Variants in SEMA3A observed in about 807,000 individuals in gnomAD.
SEMA3A encodes the protein semaphorin 3A, also known as semaphorin-3A.
SEMA3A carries 29 observed loss-of-function variants against 97.9 expected under a neutral mutation model. The observed-to-expected ratio is 0.30, with a 90% CI of 0.22 to 0.40. The LOEUF is 0.40. Among genes scored for constraint, SEMA3A ranks in the 10% least tolerant of loss-of-function variants. The probability of loss-of-function intolerance (pLI) is 1.00; values close to 1 mark genes in which losing one functional copy is unlikely to be tolerated. For missense variants in SEMA3A, 763 were observed against 951.3 expected (o/e 0.80, Z 2.60); for synonymous variants, 321 against 323.7 (o/e 0.99, Z 0.09).
intron 1 of SEMA3A, among the ~76,000 whole-genome samples, chr7:84,400,704 G>C (rs1470116136): frequency 6.6e-6 from 1 of 152,186 alleles, no homozygotes; most frequent in Non-Finnish European, 1.5e-5. Context: ...AATAGGGGTA[G>C]AAAGTTTATT....
At chr7:84,238,324 C>T (rs561124702) in intron 3 of SEMA3A, among the ~76,000 whole-genome samples, 6 of 152,248 alleles carry the variant, frequency 3.9e-5, no homozygotes, top group African/African-American at 1.4e-4. Flanking sequence ...GCCTCAGCCT[C>T]CCAAAGTGCT....
chr7:84,065,368 G>C (rs1290324252), intron 4 of SEMA3A, among the ~76,000 whole-genome samples: 1 of 141,856 alleles, frequency 7.0e-6, no homozygotes, highest in East Asian at 2.0e-4. Flanking sequence ...AACTAGAAAA[G>C]CAAGAGCAAA....
At position 83,968,502 on chromosome 7, in the gene SEMA3A, T is replaced by C. The variant is rs191565404; in HGVS notation, c.1718-5155A>G. On this transcript the variant is annotated intron_variant, in intron 15 of 16. Transcript: ENST00000265362. ...GAGATTCTCGTGAACAACAGATTCT[T>C]TTATTTTGAAATGGACTTTGTGATC... Among the ~76,000 whole-genome samples, 3 of 152,288 alleles carry C rather than the reference T, an allele frequency of 2.0e-5. No homozygotes were observed. The East Asian group carries it at 5.8e-4, about 29-fold the overall frequency.
At chr7:84,341,791 T>C (rs148013178) in intron 2 of SEMA3A, among the ~76,000 whole-genome samples, 44 of 152,262 alleles carry the variant, frequency 2.9e-4, no homozygotes, top group African/African-American at 9.6e-4. Flanking sequence ...CCGGTCGTGT[T>C]AGCTACATAC....
At chr7:84,260,994 A>G (rs987912730) in intron 3 of SEMA3A, among the ~76,000 whole-genome samples, 5 of 152,038 alleles carry the variant, frequency 3.3e-5, no homozygotes, top group Non-Finnish European at 7.4e-5. Flanking sequence ...TGGACTAATC[A>G]ACATGCATTT....
At chr7:84,143,117 ATCT>A (rs944232708) in intron 1 of SEMA3A, among the ~76,000 whole-genome samples, 18 of 152,174 alleles carry the variant, frequency 1.2e-4, no homozygotes, top group Non-Finnish European at 7.4e-5. Flanking sequence ...TACAGTAATC[ATCT>A]TCTTACAGAA....
At chr7:84,431,464 A>C (rs1026870246) in intron 1 of SEMA3A, among the ~76,000 whole-genome samples, 5 of 151,912 alleles carry the variant, frequency 3.3e-5, no homozygotes, top group Non-Finnish European at 5.9e-5. Flanking sequence ...TTAGAATATA[A>C]CTAGTTTTCC....
chr7:84,079,268 T>A (rs976181275), intron 4 of SEMA3A, among the ~76,000 whole-genome samples: 2 of 151,766 alleles, frequency 1.3e-5, no homozygotes, highest in Non-Finnish European at 2.9e-5. Context: ...AACCTAGGCA[T>A]TACCATTCAG....
chr7:84,441,805 A>C (rs1805281097), intron 1 of SEMA3A, among the ~76,000 whole-genome samples: 1 of 152,334 alleles, frequency 6.6e-6, no homozygotes, highest in African/African-American at 2.4e-5. Flanking sequence ...GACTGGTCCT[A>C]CACAAGACAT....
intron 4 of SEMA3A, among the ~76,000 whole-genome samples, chr7:84,088,270 A>G (rs1157511628): frequency 1.3e-5 from 2 of 152,074 alleles, no homozygotes; most frequent in Admixed American, 6.6e-5. Context: ...CCTGGCTAAC[A>G]CGGTGAAACC....
At position 83,959,575 on chromosome 7, in the gene SEMA3A, A is replaced by G. The variant is rs1237649222; in HGVS notation, c.*1796T>C. ...AACAACTTGTTTATTCAAGGCAGTC[A>G]TTAAAACTGAAACATGAGCTTCCAT... On this transcript the variant is annotated 3_prime_UTR_variant, in exon 17 of 17. Transcript: ENST00000265362. 1 of 152,082 alleles carries G rather than the reference A, an allele frequency of 6.6e-6. No individual in the cohort carries two copies. Among genetic ancestry groups the G allele is most frequent in the African/African-American group, 2.4e-5 (1 of 41,444 alleles). 9.4% of individuals were successfully genotyped at this position (152,082 alleles called of 1,614,324 possible).
intron 3 of SEMA3A, among the ~76,000 whole-genome samples, chr7:84,272,204 CAA>C (rs1331105765): frequency 2.0e-5 from 3 of 151,896 alleles, no homozygotes; most frequent in East Asian, 1.9e-4. Context: ...GATTGAAAAA[CAA>C]AGAAAATTTA....
intron 2 of SEMA3A, among the ~76,000 whole-genome samples, chr7:84,361,786 T>A (rs2116066916): frequency 6.6e-6 from 1 of 152,108 alleles, no homozygotes. Context: ...GAGAAGCATC[T>A]TTATGGGTAG....
At chr7:84,061,193 G>A (rs1793202932) in intron 4 of SEMA3A, among the ~76,000 whole-genome samples, 1 of 152,148 alleles carries the variant, frequency 6.6e-6, no homozygotes, top group African/African-American at 2.4e-5. Context: ...TGTGCCTGGA[G>A]GTGGTGTCAA....
At chr7:84,048,081 AT>A (rs1473557752) in intron 5 of SEMA3A, among the ~76,000 whole-genome samples, 5 of 151,968 alleles carry the variant, frequency 3.3e-5, no homozygotes, top group African/African-American at 1.2e-4. Flanking sequence ...TTCATTTTGG[AT>A]TGTTGTGATT....
chr7:84,267,222 A>G (rs1269220170), intron 3 of SEMA3A, among the ~76,000 whole-genome samples: 7 of 152,158 alleles, frequency 4.6e-5, no homozygotes, highest in African/African-American at 9.6e-5. Flanking sequence ...AATTTAAAAA[A>G]GTCTAAAATC....
At chr7:84,031,086 A>G (rs6949547) in intron 6 of SEMA3A, among the ~76,000 whole-genome samples, 103,742 of 149,294 alleles carry the variant, frequency 0.69, 36,113 homozygotes, top group Middle Eastern at 0.77. Context: ...TCCGCCTCAC[A>G]GATGCAAGCG....
intron 3 of SEMA3A, among the ~76,000 whole-genome samples, chr7:84,262,971 G>T (rs1171630854): frequency 6.6e-6 from 1 of 152,118 alleles, no homozygotes; most frequent in African/African-American, 2.4e-5. Context: ...TTTGTTTTTG[G>T]AAGAAGTGAA....
chr7:84,240,057 T>G (rs1799322639), intron 3 of SEMA3A, among the ~76,000 whole-genome samples: 1 of 152,102 alleles, frequency 6.6e-6, no homozygotes, highest in African/African-American at 2.4e-5. Flanking sequence ...TATACCCAAG[T>G]GGTAGGTTGG....
Sources: allele counts gnomAD v4.1 joint callset (sites outside exome capture counted in the v4.1 genomes callset), GRCh38; gene constraint gnomAD v4.1.1; transcripts MANE v1.5; gene names NCBI Gene and HGNC (gene_info 2026-07-23, HGNC 2026-07-21).